Variants in DHX36 observed in about 807,000 individuals in gnomAD.
DHX36 encodes DEAH-box helicase 36.
Under a neutral mutation model 139.0 loss-of-function variants are expected in DHX36, and 50 were observed. The observed-to-expected ratio is 0.36, with a 90% confidence interval of 0.29 to 0.46. The LOEUF (loss-of-function observed/expected upper bound fraction) is 0.46, where lower values mean the gene tolerates loss of function less well. Ranked by LOEUF, DHX36 falls within the 20% of genes least tolerant of loss-of-function variation. The pLI, the probability that DHX36 is intolerant of heterozygous loss-of-function variation, is 1.00. For synonymous variants in DHX36, 425 were observed against 401.9 expected (o/e 1.06, Z -0.69); for missense variants, 1,024 against 1,211.3 (o/e 0.85, Z 2.29).
intron 5 of DHX36, among the ~76,000 whole-genome samples, chr3:154,308,088 C>A (rs182010710): frequency 1.4e-4 from 21 of 152,250 alleles, no homozygotes; most frequent in African/African-American, 4.8e-4. Flanking sequence ...AGGAGGAGGA[C>A]AGATGATGAG....
At chr3:154,276,524 G>T in intron 24 of DHX36, 168 bp from the exon 25 acceptor site, 2 of 780,816 alleles carry the variant, frequency 2.6e-6, no homozygotes, top group Non-Finnish European at 4.0e-6. Flanking sequence ...AATAACTAAA[G>T]TGCAGTTAAA....
intron 10 of DHX36, 29 bp downstream of exon 10, chr3:154,300,958 T>C (rs1712249767): frequency 1.2e-6 from 2 of 1,606,190 alleles, no homozygotes; most frequent in Non-Finnish European, 8.5e-7. Context: ...TAGCCACTGA[T>C]TTCTCACCTT....
chr3:154,303,092 C>G (rs1006544442), intron 9 of DHX36, among the ~76,000 whole-genome samples: 1 of 151,956 alleles, frequency 6.6e-6, no homozygotes, highest in East Asian at 1.9e-4. Flanking sequence ...AAAAAAACCA[C>G]GGATGCCTGG....
chr3:154,306,019 A>G (rs1712487449), intron 6 of DHX36, among the ~76,000 whole-genome samples, 197 bp downstream of exon 6: 2 of 152,222 alleles, frequency 1.3e-5, no homozygotes, highest in African/African-American at 4.8e-5. Flanking sequence ...AGCATCATTT[A>G]AAAAAGGCAA....
intron 2 of DHX36, among the ~76,000 whole-genome samples, 194 bp downstream of exon 2, chr3:154,315,845 T>A (rs1428817183): frequency 2.0e-5 from 3 of 152,122 alleles, no homozygotes; most frequent in Non-Finnish European, 4.4e-5. Flanking sequence ...ACACTATTAT[T>A]CATACCATTT....
At chr3:154,277,257 G>A (rs529026338) in intron 23 of DHX36, among the ~76,000 whole-genome samples, 1 of 152,174 alleles carries the variant, frequency 6.6e-6, no homozygotes, top group South Asian at 2.1e-4. Flanking sequence ...ATCTCAACAT[G>A]CTGAACAATA....
chr3:154,324,016 C>A lies in DHX36; in HGVS notation c.243+158G>T, dbSNP rs112568730. Among the ~76,000 whole-genome samples, 14 of 152,346 alleles carry A rather than the reference C, an allele frequency of 9.2e-5. 1 individual carries two copies. The highest frequency in any genetic ancestry group is 2.4e-4 in the African/African-American group (10 of 41,578). On this transcript the variant is annotated intron_variant, in intron 1 of 24. Transcript: ENST00000496811. ...AGCATGGCTAATGTTACGCAGTACACCCGCTACGGGGAGCGCCAGCATAAT... is the reference window on the plus strand; with the variant it reads ...AGCATGGCTAATGTTACGCAGTACAACCGCTACGGGGAGCGCCAGCATAAT...
chr3:154,309,944 T>C (rs1712667491), intron 4 of DHX36, 121 bp from the exon 5 acceptor site: 1 of 800,710 alleles, frequency 1.2e-6, no homozygotes, highest in Non-Finnish European at 1.9e-6. Flanking sequence ...GCTTTCTAAA[T>C]TTTGCCATAT....
At chr3:154,297,240 G>A (rs111992233) in intron 12 of DHX36, among the ~76,000 whole-genome samples, 264 of 152,288 alleles carry the variant, frequency 1.7e-3, no homozygotes, top group African/African-American at 6.0e-3. Flanking sequence ...TTACAGACTG[G>A]ATTATCAGAT....
At position 154,274,205 on chromosome 3, in the gene DHX36, G is replaced by A; in HGVS notation, c.*1966C>T. Reference sequence around the variant, plus strand: ...TGCCTATAGTCCCAGCTATTTGGGAGGCTGAGGCAGAAGGATCACTTGAAC... The same window carrying A: ...TGCCTATAGTCCCAGCTATTTGGGAAGCTGAGGCAGAAGGATCACTTGAAC... On this transcript the variant is annotated 3_prime_UTR_variant, in exon 25 of 25. Coordinates refer to ENST00000496811, the MANE Select transcript of DHX36 (RefSeq NM_020865.3). 6.5e-6 allele frequency: 1 copy of A among 152,954 alleles called. No homozygotes were observed. Among genetic ancestry groups the A allele is most frequent in the Non-Finnish European group, 1.5e-5 (1 of 68,562 alleles). The allele number at this position is 152,954 out of a possible 1,614,324, so 9.5% of individuals were successfully genotyped here. A position where few individuals can be genotyped will look rare whatever the true frequency, so the allele number is the denominator to read the frequency against.
intron 9 of DHX36, among the ~76,000 whole-genome samples, chr3:154,301,957 T>C (rs532234813): frequency 6.6e-6 from 1 of 152,156 alleles, no homozygotes; most frequent in African/African-American, 2.4e-5. Context: ...CCTCTGCTAC[T>C]GACTAGCTGT....
intron 17 of DHX36, among the ~76,000 whole-genome samples, chr3:154,287,787 C>T (rs554891794): frequency 6.6e-6 from 1 of 152,182 alleles, no homozygotes; most frequent in African/African-American, 2.4e-5. Flanking sequence ...ACTGTATGAT[C>T]TGCAACCTAA....
intron 10 of DHX36, 112 bp from the exon 11 acceptor site, chr3:154,300,808 C>G: frequency 7.9e-7 from 1 of 1,257,888 alleles, no homozygotes; most frequent in Non-Finnish European, 1.1e-6. Context: ...ATCTACAGAT[C>G]GGAGAGAATT....
chr3:154,324,019 G>C (rs919689065), intron 1 of DHX36, among the ~76,000 whole-genome samples, 155 bp downstream of exon 1: 2 of 152,174 alleles, frequency 1.3e-5, no homozygotes, highest in Non-Finnish European at 2.9e-5. Flanking sequence ...CAGTACACCC[G>C]CTACGGGGAG....
At chr3:154,299,406 T>C (rs1712174285) in intron 12 of DHX36, among the ~76,000 whole-genome samples, 1 of 152,110 alleles carries the variant, frequency 6.6e-6, no homozygotes, top group Non-Finnish European at 1.5e-5. Context: ...TTCTCTAGAG[T>C]TTATATGTTT....
intron 22 of DHX36, chr3:154,278,815 T>C (rs1225673141): frequency 6.6e-6 from 1 of 152,170 alleles, no homozygotes. Flanking sequence ...AGACTTGTAA[T>C]CAAAATCATG....
intron 17 of DHX36, among the ~76,000 whole-genome samples, chr3:154,285,888 A>G (rs866294785): frequency 1.3e-5 from 2 of 152,018 alleles, no homozygotes; most frequent in East Asian, 3.9e-4. Context: ...GAATAGCTTG[A>G]TATCTAAATC....
At chr3:154,318,101 T>C (rs1039430805) in intron 1 of DHX36, among the ~76,000 whole-genome samples, 2 of 152,100 alleles carry the variant, frequency 1.3e-5, no homozygotes, top group African/African-American at 4.8e-5. Context: ...TGTAAGACAT[T>C]CTAATTCTAA....
rs917148155 is a variant in DHX36, at chr3:154,275,029, A to T, written c.*1142T>A. The T allele has an allele frequency of 2.0e-5, 3 of 152,238 alleles. No individual in the cohort carries two copies. The highest frequency in any genetic ancestry group is 4.4e-5 in the Non-Finnish European group (3 of 68,040). 9.4% of individuals were successfully genotyped at this position (152,238 alleles called of 1,614,324 possible). A position where few individuals can be genotyped will look rare whatever the true frequency, so the allele number is the denominator to read the frequency against. On this transcript the variant is annotated 3_prime_UTR_variant, in exon 25 of 25. Transcript: ENST00000496811. ...ATATTTCAGGGACAAATAACAACTA[A>T]GATTCAGAGAGTACAGGCACTAGCC...
Sources: allele counts gnomAD v4.1 joint callset (sites outside exome capture counted in the v4.1 genomes callset), GRCh38; gene constraint gnomAD v4.1.1; transcripts MANE v1.5; gene names NCBI Gene and HGNC (gene_info 2026-07-23, HGNC 2026-07-21).